The following ACAN variants were observed in gnomAD, a reference collection of about 807,000 sequenced individuals.
The protein encoded by ACAN is aggrecan core protein.
A neutral mutation model predicts 169.1 loss-of-function variants in ACAN; 47 were observed. The observed-to-expected ratio is 0.28, with a 90% CI of 0.22 to 0.35. The LOEUF is 0.35. Among genes scored for constraint, ACAN ranks in the 10% least tolerant of loss-of-function variants. ACAN has a pLI of 1.00. For missense variants in ACAN, 2,716 were observed against 2,759.9 expected (o/e 0.98, Z 0.36); for synonymous variants, 1,115 against 1,112.2 (o/e 1.00, Z -0.05).
At chr15:88,821,648 G>A (rs1896078726) in intron 1 of ACAN, among the ~76,000 whole-genome samples, 1 of 152,186 alleles carries the variant, frequency 6.6e-6, no homozygotes. Context: ...CCTGCCATGT[G>A]AGGTCCAGAA....
intron 1 of ACAN, among the ~76,000 whole-genome samples, chr15:88,822,752 A>G (rs965482631): frequency 2.0e-5 from 3 of 152,148 alleles, no homozygotes; most frequent in South Asian, 2.1e-4. Context: ...CATGTGTTCT[A>G]TGAGGTGAGG....
intron 1 of ACAN, among the ~76,000 whole-genome samples, chr15:88,805,594 C>G (rs1370318441): frequency 2.0e-5 from 3 of 152,156 alleles, no homozygotes; most frequent in Non-Finnish European, 4.4e-5. Flanking sequence ...GTGCCAGGCT[C>G]TGTGCTCAAT....
intron 1 of ACAN, among the ~76,000 whole-genome samples, chr15:88,830,948 C>T (rs1225045172): frequency 1.3e-5 from 2 of 152,122 alleles, no homozygotes; most frequent in Non-Finnish European, 2.9e-5. Context: ...GGACCATCAT[C>T]GTAGGTACAG....
Position 88,809,275 on chromosome 15 carries a change from C to A in ACAN, c.-8+5466C>A, listed in dbSNP as rs548118835. Among the ~76,000 whole-genome samples the A allele has an allele frequency of 3.3e-5, 5 of 152,218 alleles. No individual in the cohort carries two copies. The South Asian group carries it at 1.0e-3, about 32-fold the overall frequency. Reference sequence around the variant, plus strand: ...GGGCAGTGGGTGGTGTGAGCATCTCCCTCCAGTGTGTGTGGTGGGAGGAGC... The same window carrying A: ...GGGCAGTGGGTGGTGTGAGCATCTCACTCCAGTGTGTGTGGTGGGAGGAGC... On this transcript the variant is annotated intron_variant, in intron 1 of 18. Transcript: ENST00000560601.
chr15:88,842,505 T>C (rs1896686463), intron 5 of ACAN, among the ~76,000 whole-genome samples: 1 of 105,972 alleles, frequency 9.4e-6, no homozygotes, highest in African/African-American at 3.5e-5. Flanking sequence ...CCTCCCTCCC[T>C]GCCCATCCCC....
intron 1 of ACAN, among the ~76,000 whole-genome samples, chr15:88,822,303 C>T (rs182804132): frequency 6.6e-6 from 1 of 152,192 alleles, no homozygotes; most frequent in East Asian, 1.9e-4. Context: ...AAGGGCCCAA[C>T]CTTTCTTCGG....
At chr15:88,845,249 G>A (rs138733381) in intron 6 of ACAN, among the ~76,000 whole-genome samples, 9 of 152,340 alleles carry the variant, frequency 5.9e-5, no homozygotes, top group East Asian at 1.9e-4. Flanking sequence ...TTTATGAGCC[G>A]TCAGCTCATT....
chr15:88,853,305 G>T (rs1416084097), intron 11 of ACAN, among the ~76,000 whole-genome samples: 1 of 152,152 alleles, frequency 6.6e-6, no homozygotes, highest in Non-Finnish European at 1.5e-5. Context: ...ACTATCATTT[G>T]CTCCATGTAT....
chr15:88,864,405 T>C (rs1897249996), intron 13 of ACAN, among the ~76,000 whole-genome samples: 1 of 151,956 alleles, frequency 6.6e-6, no homozygotes, highest in Non-Finnish European at 1.5e-5. Context: ...GTAGCTGGGA[T>C]TACAGGCACA....
intron 7 of ACAN, 32 bp downstream of exon 7, chr15:88,845,914 C>G: frequency 6.9e-7 from 1 of 1,439,908 alleles, no homozygotes; most frequent in South Asian, 1.6e-5. Context: ...CATCCAGGGG[C>G]AGGTGGAGAG....
At chr15:88,865,664 C>T (rs1010201234) in intron 13 of ACAN, among the ~76,000 whole-genome samples, 1 of 152,160 alleles carries the variant, frequency 6.6e-6, no homozygotes, top group Non-Finnish European at 1.5e-5. Flanking sequence ...TTCCCTCCCT[C>T]CACTTGCAAG....
intron 1 of ACAN, among the ~76,000 whole-genome samples, chr15:88,809,222 G>T (rs1481828122): frequency 6.6e-6 from 1 of 152,176 alleles, no homozygotes; most frequent in Non-Finnish European, 1.5e-5. Flanking sequence ...GGGCAGGGTT[G>T]CCATAGTATT....
chr15:88,803,718 G>A lies in ACAN; in HGVS notation c.-99G>A, dbSNP rs1895596995. ...CAGAGCGTCTCCCTCGCTACGCAGC[G>A]AGACCCGGGCCTCCCGGCCCCAGGA... On this transcript the variant is annotated 5_prime_UTR_variant, in exon 1 of 19. Transcript: ENST00000560601. The A allele has an allele frequency of 6.6e-6, 1 of 152,252 alleles. No homozygotes were observed. Among genetic ancestry groups the A allele is most frequent in the Non-Finnish European group, 1.5e-5 (1 of 68,144 alleles). 9.4% of individuals were successfully genotyped at this position (152,252 alleles called of 1,614,324 possible). A position where few individuals can be genotyped will look rare whatever the true frequency, so the allele number is the denominator to read the frequency against.
chr15:88,831,969 G>C (rs1489860907), intron 1 of ACAN, among the ~76,000 whole-genome samples: 1 of 152,184 alleles, frequency 6.6e-6, no homozygotes. Context: ...GTTTTGGGTG[G>C]CTTCTGATGG....
intron 2 of ACAN, among the ~76,000 whole-genome samples, chr15:88,837,141 C>T (rs1338734809): frequency 6.6e-6 from 1 of 152,162 alleles, no homozygotes; most frequent in African/African-American, 2.4e-5. Flanking sequence ...GTGGGAGCCA[C>T]CCTGGGCCCA....
chr15:88,843,582 T>C lies in ACAN; in HGVS notation c.985T>C (p.Tyr329His). 6.2e-7 allele frequency: 1 copy of C among 1,608,474 alleles called. No homozygotes were observed. The highest frequency in any genetic ancestry group is 8.5e-7 in the Non-Finnish European group (1 of 1,176,278). ...GGNLLGVRTV[Y>H]VHANQTGYPD... ...CAACCTCCTGGGCGTGAGGACCGTC[T>C]ACGTGCATGCCAACCAGACGGGCTA... is the stretch of plus-strand genomic sequence containing the variant. Residue 329 changes from tyrosine (Y) to histidine (H), a missense_variant, in exon 6 of 19, where the codon TAC becomes CAC. Tyr to His is a moderately conservative substitution (Grantham distance 83, BLOSUM62 2). This residue lies in a region of ACAN where 1,283 missense variants were observed against 1,281.5 expected (regional missense o/e 1.00). Transcript: ENST00000560601. The surrounding 1 kb of genome is among the most constrained non-coding windows in gnomAD (Gnocchi z 4.0).
In ACAN at chr15:88,849,467, C is replaced by G. The variant is rs1896877592; in HGVS notation, c.1762C>G (p.Gln588Glu). The G allele has an allele frequency of 4.4e-6, 7 of 1,603,564 alleles. No homozygotes were observed. The highest frequency in any genetic ancestry group is 5.1e-6 in the Non-Finnish European group (6 of 1,173,316). ...GGTGTTCTTCGCCACACGCCTTGAGCAGTTCACCTTCCAGGAAGCACTGGA... is the reference window on the plus strand; with the variant it reads ...GGTGTTCTTCGCCACACGCCTTGAGGAGTTCACCTTCCAGGAAGCACTGGA... ...GEVFFATRLE[Q>E]FTFQEALEFC... The change falls in exon 10 of 19, where the codon CAG becomes GAG. Residue 588 changes from glutamine to glutamate, a missense_variant. Physicochemically the swap from Gln to Glu is conservative, Grantham distance 29. Transcript: ENST00000560601. The surrounding 1 kb of genome is among the most constrained non-coding windows in gnomAD (Gnocchi z 5.1).
rs763166741 is a variant in ACAN, at chr15:88,859,340, A to C, written c.6755A>C (p.Glu2252Ala). ...TCAGGAGAAGAGACTCACACAGTCGAAACAGCCACCTCCCCAACAGATGCT... is the reference window on the plus strand; with the variant it reads ...TCAGGAGAAGAGACTCACACAGTCGCAACAGCCACCTCCCCAACAGATGCT... The part of the protein sequence containing the change: ...LYSGEETHTV[E>A]TATSPTDASI... Residue 2252 changes from glutamate to alanine, a missense_variant, in exon 12 of 19, where the codon GAA becomes GCA. Transcript: ENST00000560601. The C allele has an allele frequency of 6.2e-7, 1 of 1,603,058 alleles. No homozygotes were observed.
At chr15:88,805,192 C>T (rs1895646693) in intron 1 of ACAN, among the ~76,000 whole-genome samples, 2 of 152,120 alleles carry the variant, frequency 1.3e-5, no homozygotes, top group African/African-American at 4.8e-5. Flanking sequence ...AATCAGGTTG[C>T]TCATGCACCC....
Sources: gnomAD v4.1 joint callset for allele counts (sites outside exome capture counted in the v4.1 genomes callset) on GRCh38, gnomAD v4.1.1 for gene constraint, gnomAD v4.1.1 regional missense constraint, Gnocchi (gnomAD v3.1) non-coding constraint, MANE v1.5 for transcripts, NCBI Gene and HGNC (gene_info 2026-07-23, HGNC 2026-07-21) for gene names.